Variants in AKAP10 observed in about 807,000 individuals in gnomAD.
AKAP10 encodes the protein A-kinase anchor protein 10, mitochondrial.
Under a neutral mutation model 80.8 loss-of-function variants are expected in AKAP10, and 24 were observed. The ratio of observed to expected loss-of-function variants is 0.30; its 90% confidence interval spans 0.22 to 0.42. The LOEUF (loss-of-function observed/expected upper bound fraction) is 0.42, where lower values mean the gene tolerates loss of function less well. Among genes scored for constraint, AKAP10 ranks in the 10% least tolerant of loss-of-function variants. AKAP10 has a pLI of 1.00. For missense variants in AKAP10, 661 were observed against 794.9 expected (o/e 0.83, Z 2.03); for synonymous variants, 291 against 277.7 (o/e 1.05, Z -0.48).
At chr17:19,949,673 C>A (rs2043176411) in intron 4 of AKAP10, among the ~76,000 whole-genome samples, 1 of 149,906 alleles carries the variant, frequency 6.7e-6, no homozygotes, top group Non-Finnish European at 1.5e-5. Context: ...TAGGCTGAGG[C>A]AGGAGAAACA....
At chr17:19,932,226 G>A (rs889032554) in intron 9 of AKAP10, among the ~76,000 whole-genome samples, 3 of 151,834 alleles carry the variant, frequency 2.0e-5, no homozygotes, top group South Asian at 2.1e-4. Context: ...CGAGGCAGAC[G>A]GATCACTTGA....
In AKAP10 at chr17:19,906,138, G is replaced by A. The variant is rs76583306; in HGVS notation, c.*89C>T. On this transcript the variant is annotated 3_prime_UTR_variant, in exon 15 of 15. Transcript: ENST00000225737. Reference sequence around the variant, plus strand: ...AGTGACAGATCAGAAATATAGTGCTGTTTTCATTGGCTGTGTTGAAGAATC... The same window carrying A: ...AGTGACAGATCAGAAATATAGTGCTATTTTCATTGGCTGTGTTGAAGAATC... 2.9e-3 allele frequency: 4,053 copies of A among 1,403,882 alleles called. 180 individuals carry two copies. The East Asian group carries it at 0.086, about 30-fold the overall frequency. The allele number at this position is 1,403,882 out of a possible 1,614,324, so 87.0% of individuals were successfully genotyped here. A position where few individuals can be genotyped will look rare whatever the true frequency, so the allele number is the denominator to read the frequency against.
intron 8 of AKAP10, among the ~76,000 whole-genome samples, chr17:19,938,348 T>C (rs2043015719): frequency 6.6e-6 from 1 of 151,952 alleles, no homozygotes; most frequent in Non-Finnish European, 1.5e-5. Flanking sequence ...GCAATTCTCC[T>C]TCCTCAGCCT....
intron 2 of AKAP10, among the ~76,000 whole-genome samples, chr17:19,966,311 T>C (rs1471899925): frequency 3.3e-5 from 5 of 152,114 alleles, no homozygotes; most frequent in African/African-American, 1.2e-4. Context: ...TTCACATCTC[T>C]TTACTTCCAT....
chr17:19,940,397 C>T (rs2043039573), intron 7 of AKAP10, among the ~76,000 whole-genome samples: 1 of 152,206 alleles, frequency 6.6e-6, no homozygotes, highest in Non-Finnish European at 1.5e-5. Flanking sequence ...AATAATTTCA[C>T]TTGTTGAAGC....
At chr17:19,949,017 T>C (rs1327757219) in intron 4 of AKAP10, among the ~76,000 whole-genome samples, 1 of 152,100 alleles carries the variant, frequency 6.6e-6, no homozygotes. Context: ...AGTCAAACTG[T>C]CCAAGATACA....
At chr17:19,977,404 CAAG>C (rs1378379580) in intron 1 of AKAP10, among the ~76,000 whole-genome samples, 185 bp downstream of exon 1, 1 of 152,248 alleles carries the variant, frequency 6.6e-6, no homozygotes, top group Non-Finnish European at 1.5e-5. Flanking sequence ...TGACCTCGCG[CAAG>C]AAGGCCACCT....
At chr17:19,970,502 T>C (rs2043481532) in intron 1 of AKAP10, among the ~76,000 whole-genome samples, 1 of 152,202 alleles carries the variant, frequency 6.6e-6, no homozygotes, top group African/African-American at 2.4e-5. Flanking sequence ...TGACCCTTCC[T>C]TTCCCAGATA....
intron 3 of AKAP10, among the ~76,000 whole-genome samples, chr17:19,959,564 G>A (rs1379753428): frequency 1.3e-5 from 2 of 152,072 alleles, no homozygotes; most frequent in African/African-American, 2.4e-5. Context: ...CTTTGAGATC[G>A]TACCTTGAAA....
chr17:19,944,319 GCTGTGTGGA>G (rs1248367272), intron 5 of AKAP10, among the ~76,000 whole-genome samples: 1 of 152,044 alleles, frequency 6.6e-6, no homozygotes, highest in Non-Finnish European at 1.5e-5. Flanking sequence ...ATTCCTATCA[GCTGTGTGGA>G]CTGCATGTTT....
At chr17:19,929,578 G>C (rs2042910795) in intron 10 of AKAP10, 1 of 152,074 alleles carries the variant, frequency 6.6e-6, no homozygotes, top group Non-Finnish European at 1.5e-5. Flanking sequence ...TCTTCAAGGT[G>C]TCTAAGGTTA....
chr17:19,914,912 G>A (rs1245167189), intron 12 of AKAP10, among the ~76,000 whole-genome samples: 1 of 152,166 alleles, frequency 6.6e-6, no homozygotes, highest in Non-Finnish European at 1.5e-5. Context: ...TTCAAAGTAA[G>A]GTGATAGAGG....
At chr17:19,942,003 T>A (rs2043055420) in intron 5 of AKAP10, 93 bp from the exon 6 acceptor site, 4 of 968,214 alleles carry the variant, frequency 4.1e-6, no homozygotes, top group Non-Finnish European at 5.8e-6. Context: ...AGCACAGGCA[T>A]ATAAATTAAG....
At chr17:19,933,152 G>A (rs2042955987) in intron 9 of AKAP10, among the ~76,000 whole-genome samples, 1 of 152,048 alleles carries the variant, frequency 6.6e-6, no homozygotes, top group Non-Finnish European at 1.5e-5. Flanking sequence ...CCGAGTAGCT[G>A]GGATTACAGG....
chr17:19,908,557 A>G (rs1425746788), intron 14 of AKAP10, among the ~76,000 whole-genome samples: 1 of 152,128 alleles, frequency 6.6e-6, no homozygotes, highest in Non-Finnish European at 1.5e-5. Context: ...GAATCTCTCT[A>G]AATATCTCTA....
chr17:19,937,362 C>T (rs1397483192), intron 8 of AKAP10, among the ~76,000 whole-genome samples: 2 of 152,042 alleles, frequency 1.3e-5, no homozygotes, highest in Non-Finnish European at 2.9e-5. Context: ...ATTAGCTGGG[C>T]GTGGTGGCCC....
In AKAP10 at chr17:19,905,948, G is replaced by C. The variant is rs1182592923; in HGVS notation, c.*279C>G. The C allele has an allele frequency of 6.8e-6, 3 of 439,982 alleles. No individual in the cohort carries two copies. Among genetic ancestry groups the C allele is most frequent in the Non-Finnish European group, 1.2e-5 (3 of 240,296 alleles). 27.3% of individuals were successfully genotyped at this position (439,982 alleles called of 1,614,324 possible). ...GTAGGCTAAAACACTCTCATAAATG[G>C]GTTATTGCCATTGGAAAACTAATAA... On this transcript the variant is annotated 3_prime_UTR_variant, in exon 15 of 15. Coordinates refer to ENST00000225737, the MANE Select transcript of AKAP10 (RefSeq NM_007202.4).
chr17:19,913,738 GA>G (rs1247888875), intron 12 of AKAP10, among the ~76,000 whole-genome samples: 1 of 152,176 alleles, frequency 6.6e-6, no homozygotes, highest in Non-Finnish European at 1.5e-5. Context: ...ATCTGGCTAA[GA>G]AAACTTAGTG....
chr17:19,914,922 G>T (rs1235811253), intron 12 of AKAP10, among the ~76,000 whole-genome samples: 1 of 152,158 alleles, frequency 6.6e-6, no homozygotes, highest in Non-Finnish European at 1.5e-5. Context: ...GGTGATAGAG[G>T]CCAGCAAGGG....
Sources: allele counts gnomAD v4.1 joint callset (sites outside exome capture counted in the v4.1 genomes callset), GRCh38; gene constraint gnomAD v4.1.1; transcripts MANE v1.5; gene names NCBI Gene and HGNC (gene_info 2026-07-23, HGNC 2026-07-21).